Variants in PLPPR5 observed in about 807,000 individuals in gnomAD.
The protein encoded by PLPPR5 is phospholipid phosphatase related 5, also known as phospholipid phosphatase-related protein type 5.
A neutral mutation model predicts 33.9 loss-of-function variants in PLPPR5; 16 were observed. The observed-to-expected ratio is 0.47, with a 90% CI of 0.32 to 0.72. The LOEUF is 0.72. PLPPR5 is among the 30% of genes least tolerant of loss of function. The pLI is 0.03. For missense variants in PLPPR5, 301 were observed against 406.7 expected (o/e 0.74, Z 2.23); for synonymous variants, 163 against 150.3 (o/e 1.08, Z -0.62).
Position 98,953,099 on chromosome 1 carries a change from G to A in PLPPR5, c.592C>T (p.Leu198Phe). 1 of 1,614,052 alleles carries A rather than the reference G, an allele frequency of 6.2e-7. No individual in the cohort carries two copies. The highest frequency in any genetic ancestry group is 8.5e-7 in the Non-Finnish European group (1 of 1,179,994). Reference protein sequence around the residue: ...RKTFPSKEAALSVYAAMYLTM... With the variant: ...RKTFPSKEAAFSVYAAMYLTM... ...AGATACATAGCTGCATAGACACTGA[G>A]AGCTGCTTCTTTGGATGGAAAGGTT... is the stretch of plus-strand genomic sequence containing the variant. Residue 198 changes from leucine (L) to phenylalanine (F), a missense_variant, in exon 3 of 6, where the codon CTC becomes TTC. Coordinates refer to ENST00000263177, the MANE Select transcript of PLPPR5 (RefSeq NM_001037317.2).
chr1:98,961,123 TCA>T (rs2101228192), intron 1 of PLPPR5, among the ~76,000 whole-genome samples: 1 of 152,284 alleles, frequency 6.6e-6, no homozygotes, highest in South Asian at 2.1e-4. Flanking sequence ...CAGACCTCCA[TCA>T]CAGTCTGAAG....
chr1:98,921,951 T>G lies in PLPPR5; in HGVS notation c.729A>C (p.Ala243=). The change falls in exon 4 of 6, where the codon GCA becomes GCC. Residue 243 remains alanine (A), a synonymous_variant. Transcript: ENST00000263177. ...CATCTGACCAATGATTTCGATATTC[T>G]GCTACTCTGTTGAGTCCAGTAAGAA... ...LAFLTGLNRV[A]EYRNHWSDVI... 2 of 1,614,052 alleles carry G rather than the reference T, an allele frequency of 1.2e-6. No individual in the cohort carries two copies. Among genetic ancestry groups the G allele is most frequent in the Non-Finnish European group, 1.7e-6 (2 of 1,179,958 alleles).
At chr1:98,958,955 A>G (rs1028589180) in intron 1 of PLPPR5, among the ~76,000 whole-genome samples, 1 of 152,078 alleles carries the variant, frequency 6.6e-6, no homozygotes, top group Non-Finnish European at 1.5e-5. Context: ...CCCATGGTAC[A>G]CTGCACCCCA....
At chr1:98,927,028 G>A (rs1304977174) in intron 3 of PLPPR5, among the ~76,000 whole-genome samples, 3 of 152,208 alleles carry the variant, frequency 2.0e-5, no homozygotes, top group Admixed American at 6.5e-5. Context: ...GACTTTGCCA[G>A]ACAGACCTGT....
intron 1 of PLPPR5, among the ~76,000 whole-genome samples, chr1:98,995,331 G>T (rs1652593565): frequency 1.3e-5 from 2 of 151,894 alleles, no homozygotes; most frequent in Admixed American, 6.6e-5. Context: ...GTGAGAGGAG[G>T]GTCACGATCA....
chr1:98,906,191 A>ATG (rs1648891717), intron 5 of PLPPR5, among the ~76,000 whole-genome samples: 1 of 151,370 alleles, frequency 6.6e-6, no homozygotes, highest in African/African-American at 2.4e-5. Flanking sequence ...GTGTATATAT[A>ATG]TATATAGTGT....
In PLPPR5 at chr1:98,959,721, A is replaced by G. The variant is rs1242943451; in HGVS notation, c.238-2980T>C. Among the ~76,000 whole-genome samples the G allele has an allele frequency of 1.3e-5, 2 of 152,148 alleles. 1 individual carries two copies. The highest frequency in any genetic ancestry group is 2.9e-5 in the Non-Finnish European group (2 of 68,002). On this transcript the variant is annotated intron_variant, in intron 1 of 5. Transcript: ENST00000263177. ...TCGGTCCAAGGAAACAGTTCAACTG[A>G]TAAGATTTTCCAAACCTCAATTCCA...
intron 1 of PLPPR5, among the ~76,000 whole-genome samples, chr1:99,003,622 T>C (rs1652950567): frequency 6.6e-6 from 1 of 152,224 alleles, no homozygotes; most frequent in Non-Finnish European, 1.5e-5. Flanking sequence ...CCCCAATAAT[T>C]TCATATGTAT....
intron 1 of PLPPR5, among the ~76,000 whole-genome samples, chr1:98,987,329 T>C (rs1229179232): frequency 6.6e-6 from 1 of 151,894 alleles, no homozygotes; most frequent in Non-Finnish European, 1.5e-5. Context: ...TAAGTGATTT[T>C]TCTTTAAGTG....
At chr1:98,913,580 C>T (rs1028833115) in intron 5 of PLPPR5, among the ~76,000 whole-genome samples, 2 of 152,184 alleles carry the variant, frequency 1.3e-5, no homozygotes, top group Non-Finnish European at 2.9e-5. Flanking sequence ...AATCCAAATA[C>T]AAAATGTTTC....
chr1:98,895,755 C>A (rs570396141), intron 5 of PLPPR5, among the ~76,000 whole-genome samples: 1 of 152,100 alleles, frequency 6.6e-6, no homozygotes, highest in African/African-American at 2.4e-5. Context: ...GAGGTGCTTT[C>A]ATTTTTTTCT....
At chr1:98,913,329 G>A in intron 5 of PLPPR5, among the ~76,000 whole-genome samples, 1 of 152,296 alleles carries the variant, frequency 6.6e-6, no homozygotes, top group East Asian at 1.9e-4. Flanking sequence ...CTTTAAAACT[G>A]TGTTGTCAAG....
intron 1 of PLPPR5, among the ~76,000 whole-genome samples, chr1:98,992,664 T>C (rs1652487391): frequency 6.6e-6 from 1 of 152,160 alleles, no homozygotes; most frequent in Admixed American, 6.6e-5. Flanking sequence ...TGTTAAATGC[T>C]CTTTTTCCCT....
chr1:98,946,664 A>G (rs1010079747), intron 3 of PLPPR5, among the ~76,000 whole-genome samples: 1 of 152,054 alleles, frequency 6.6e-6, no homozygotes, highest in African/African-American at 2.4e-5. Flanking sequence ...GCAGGACCTC[A>G]TCCCTCCTGG....
At position 98,914,884 on chromosome 1, in the gene PLPPR5, C is replaced by T. The variant is rs776103466; in HGVS notation, c.835G>A (p.Ala279Thr). The change falls in exon 5 of 6, where the codon GCA becomes ACA. Residue 279 changes from alanine (A) to threonine (T), a missense_variant. Physicochemically the swap from Ala to Thr is moderately conservative, Grantham distance 58. Transcript: ENST00000263177. ...CVVNNFKGRQ[A>T]ENEHIHMDNL... ...TCCATGTGTATATGCTCATTTTCTG[C>T]TTGTCTCCCTTTGAAATTATTCACC... 10 of 1,612,116 alleles carry T rather than the reference C, an allele frequency of 6.2e-6. No homozygotes were observed. In the East Asian group the frequency reaches 2.0e-4, roughly 32 times the overall value.
At chr1:98,904,594 T>G (rs1386247715) in intron 5 of PLPPR5, among the ~76,000 whole-genome samples, 1 of 152,186 alleles carries the variant, frequency 6.6e-6, no homozygotes, top group Non-Finnish European at 1.5e-5. Flanking sequence ...AAATGGATAA[T>G]TCATATATTA....
intron 1 of PLPPR5, among the ~76,000 whole-genome samples, chr1:99,001,800 G>C (rs1652861780): frequency 1.3e-5 from 2 of 150,242 alleles, no homozygotes; most frequent in South Asian, 4.2e-4. Context: ...TTTTCATCCT[G>C]TAATAGAAAA....
intron 3 of PLPPR5, among the ~76,000 whole-genome samples, chr1:98,949,214 C>T (rs1422342843): frequency 6.6e-6 from 1 of 151,532 alleles, no homozygotes; most frequent in Admixed American, 6.6e-5. Flanking sequence ...AAATAACTCT[C>T]ACAATTTTTT....
intron 3 of PLPPR5, among the ~76,000 whole-genome samples, chr1:98,928,162 C>CCAA (rs1649832890): frequency 6.6e-6 from 1 of 151,796 alleles, no homozygotes. Flanking sequence ...TATGATGAGG[C>CCAA]CAACTATAGT....
Sources: allele counts gnomAD v4.1 joint callset (sites outside exome capture counted in the v4.1 genomes callset), GRCh38; gene constraint gnomAD v4.1.1; transcripts MANE v1.5; gene names NCBI Gene and HGNC (gene_info 2026-07-23, HGNC 2026-07-21).